The following BCO1 variants were observed in gnomAD, a reference collection of about 807,000 sequenced individuals.
The protein encoded by BCO1 is beta-carotene oxygenase 1, also known as beta,beta-carotene 15,15'-dioxygenase.
A neutral mutation model predicts 56.3 loss-of-function variants in BCO1; 54 were observed. That is an observed-to-expected ratio of 0.96 (90% CI 0.77 to 1.20). BCO1 has a LOEUF of 1.20. Among genes scored for constraint, BCO1 ranks in the 50% most tolerant of loss-of-function variants. BCO1 has a pLI of 0.00. For missense variants in BCO1, 801 were observed against 690.9 expected, an observed-to-expected ratio of 1.16 and a Z score of -1.79; for synonymous variants, 318 against 266.1, an observed-to-expected ratio of 1.20 and a Z score of -1.90.
At position 81,264,795 on chromosome 16, in the gene BCO1, A is replaced by G. The variant is rs371921845; in HGVS notation, c.619+8A>G. 8 of 1,613,934 alleles carry G rather than the reference A, an allele frequency of 5.0e-6. No individual in the cohort carries two copies. The highest frequency in any genetic ancestry group is 5.1e-6 in the Non-Finnish European group (6 of 1,179,970). ...TCCCTGCCACAGTACCAGGTAGGCC[A>G]CTCTGGGGAATTGAATAAAACACAA... On this transcript the variant is annotated splice_region_variant and intron_variant, in intron 5 of 10. Transcript: ENST00000258168.
chr16:81,270,187 C>T lies in BCO1; in HGVS notation c.872C>T (p.Thr291Ile). The T allele has an allele frequency of 4.3e-6, 7 of 1,614,124 alleles. No individual in the cohort carries two copies. Among genetic ancestry groups the T allele is most frequent in the Non-Finnish European group, 5.1e-6 (6 of 1,180,028 alleles). The change falls in exon 7 of 11, where the codon ACC becomes ATC. Residue 291 changes from threonine to isoleucine, a missense_variant. Physicochemically the swap from Thr to Ile is moderately conservative, Grantham distance 89. Coordinates refer to ENST00000258168, the MANE Select transcript of BCO1 (RefSeq NM_017429.3). ...TATATCCACATCATCGACCAAAGGA[C>T]CAGGCAGCCTGTGCAGACCAAGTTT... Reference protein sequence around the residue: ...KTYIHIIDQRTRQPVQTKFYT... With the variant: ...KTYIHIIDQRIRQPVQTKFYT...
Position 81,259,767 on chromosome 16 carries a change from A to G in BCO1, c.285A>G (p.Thr95=). Residue 95 remains threonine, a synonymous_variant, in exon 3 of 11, where the codon ACA becomes ACG. Transcript: ENST00000258168. ...ANRIVVSEFG[T]MAYPDPCKNI... ...GGATTGTGGTGTCTGAGTTTGGAAC[A>G]ATGGCCTATCCGGACCCCTGCAAAA... is the stretch of plus-strand genomic sequence containing the variant. The G allele has an allele frequency of 6.2e-7, 1 of 1,614,244 alleles. No individual in the cohort carries two copies. Among genetic ancestry groups the G allele is most frequent in the Non-Finnish European group, 8.5e-7 (1 of 1,180,044 alleles).
intron 1 of BCO1, among the ~76,000 whole-genome samples, chr16:81,244,717 C>CTTT (rs55904406): frequency 0.035 from 4,474 of 129,118 alleles, 102 homozygotes; most frequent in African/African-American, 0.066. Context: ...TTGCCCCTAT[C>CTTT]TTTTTTTTTT....
chr16:81,256,707 G>A (rs552807213), intron 2 of BCO1, among the ~76,000 whole-genome samples: 5 of 152,066 alleles, frequency 3.3e-5, no homozygotes, highest in African/African-American at 7.2e-5. Context: ...GGCCAACAGA[G>A]TAAAACCTCG....
intron 7 of BCO1, among the ~76,000 whole-genome samples, chr16:81,270,852 C>G (rs1217129317): frequency 6.6e-6 from 1 of 152,002 alleles, no homozygotes; most frequent in Non-Finnish European, 1.5e-5. Context: ...TCACGCCATT[C>G]TCCTGCCTCA....
intron 10 of BCO1, 53 bp from the exon 11 acceptor site, chr16:81,290,295 C>G: frequency 6.9e-7 from 1 of 1,445,436 alleles, no homozygotes. Context: ...AAATTCATCC[C>G]TCCGACTGAA....
At chr16:81,281,325 G>A (rs1412915747) in intron 8 of BCO1, among the ~76,000 whole-genome samples, 2 of 152,000 alleles carry the variant, frequency 1.3e-5, no homozygotes, top group African/African-American at 4.8e-5. Flanking sequence ...GCATGCCTGT[G>A]GTCCCAGCTA....
intron 7 of BCO1, 53 bp from the exon 8 acceptor site, chr16:81,280,804 T>G: frequency 7.6e-7 from 1 of 1,313,560 alleles, no homozygotes; most frequent in Non-Finnish European, 1.1e-6. Flanking sequence ...AAGCAAATGT[T>G]TGCTCTGGAT....
chr16:81,244,115 G>T (rs550329814), intron 1 of BCO1, among the ~76,000 whole-genome samples: 3 of 152,198 alleles, frequency 2.0e-5, no homozygotes, highest in African/African-American at 7.2e-5. Flanking sequence ...TGCCCCACCC[G>T]CAGTCAGAAC....
At chr16:81,239,001 T>G (rs1447990697) in intron 1 of BCO1, 29 bp downstream of exon 1, 1 of 1,590,942 alleles carries the variant, frequency 6.3e-7, no homozygotes, top group South Asian at 1.1e-5. Context: ...ACTGGGCTCT[T>G]TCTTCTATTT....
rs145049631 is a variant in BCO1 at position 81,267,979 on chromosome 16, C to T, written c.691C>T (p.Leu231Phe). ...CTGCTCCATCCCATCCCGCTCCCTG[C>T]TCTCCCCAAGCTACTACCACAGCTT... ...VFCSIPSRSL[L>F]SPSYYHSFGV... The change falls in exon 6 of 11, where the codon CTC becomes TTC. Residue 231 changes from leucine (L) to phenylalanine (F), a missense_variant. Transcript: ENST00000258168. 8.1e-6 allele frequency: 13 copies of T among 1,613,902 alleles called. No individual in the cohort carries two copies.
chr16:81,259,426 G>A lies in BCO1; in HGVS notation c.194-250G>A, dbSNP rs774470199. On this transcript the variant is annotated intron_variant, in intron 2 of 10. Coordinates refer to ENST00000258168, the MANE Select transcript of BCO1 (RefSeq NM_017429.3). The stretch of plus-strand genomic sequence containing the variant: ...GGAGAATCACTTGAACCCAGGAGGC[G>A]GAGGTTGCAGTGAGCCGAGATCGCA... Among the ~76,000 whole-genome samples the A allele has an allele frequency of 6.6e-5, 10 of 152,130 alleles. 1 individual carries two copies. The Middle Eastern group carries it at 0.01, about 155-fold the overall frequency.
At chr16:81,263,017 G>A (rs769265093) in intron 4 of BCO1, 2 of 152,380 alleles carry the variant, frequency 1.3e-5, no homozygotes, top group African/African-American at 4.8e-5. Flanking sequence ...GCAACCCCTG[G>A]TGTTCCTCAG....
At position 81,290,747 on chromosome 16, in the gene BCO1, T is replaced by TTTGGCTGTA; in HGVS notation, c.*171_*179dup. 1.6e-6 allele frequency: 1 copy of TTTGGCTGTA among 606,886 alleles called. No individual in the cohort carries two copies. The highest frequency in any genetic ancestry group is 2.9e-6 in the Non-Finnish European group (1 of 349,624). 37.6% of individuals were successfully genotyped at this position (606,886 alleles called of 1,614,324 possible). A position where few individuals can be genotyped will look rare whatever the true frequency, so the allele number is the denominator to read the frequency against. ...GTCAGTATCATTTCTTTCATTTTAT[T>TTTGGCTGTA]TTGGCTGTAAAAATTTTGTTTGAAA... On this transcript the variant is annotated 3_prime_UTR_variant, in exon 11 of 11. Transcript: ENST00000258168.
intron 8 of BCO1, among the ~76,000 whole-genome samples, chr16:81,283,771 G>C (rs958001594): frequency 2.6e-5 from 4 of 151,648 alleles, no homozygotes; most frequent in Admixed American, 1.3e-4. Context: ...CTCTTTTCTT[G>C]GACATTATAT....
chr16:81,276,950 T>G (rs953144129), intron 7 of BCO1, among the ~76,000 whole-genome samples: 1 of 149,932 alleles, frequency 6.7e-6, no homozygotes, highest in African/African-American at 2.5e-5. Flanking sequence ...GCCTGTAACC[T>G]CAGCTACTCA....
chr16:81,285,441 A>G, intron 8 of BCO1, 99 bp from the exon 9 acceptor site: 3 of 893,048 alleles, frequency 3.4e-6, no homozygotes, highest in Admixed American at 3.6e-5. Context: ...CTTGGTGTGG[A>G]AACGGATTCT....
intron 5 of BCO1, among the ~76,000 whole-genome samples, chr16:81,265,138 A>G (rs1014824417): frequency 1.3e-5 from 2 of 151,800 alleles, no homozygotes; most frequent in Admixed American, 6.6e-5. Flanking sequence ...CCGTCCATCT[A>G]TCCACCATTC....
At position 81,276,638 on chromosome 16, in the gene BCO1, C is replaced by A. The variant is rs149987078; in HGVS notation, c.1102-4219C>A. Among the ~76,000 whole-genome samples, 444 of 152,318 alleles carry A rather than the reference C, an allele frequency of 2.9e-3. 4 individuals are homozygous for A. The highest frequency in any genetic ancestry group is 0.01 in the African/African-American group (428 of 41,560). ...CTCAATTCACAGTCATCCTTTCAGA[C>A]CAGCACAGTGCATTGCTGGAACATT... On this transcript the variant is annotated intron_variant, in intron 7 of 10. Coordinates refer to ENST00000258168, the MANE Select transcript of BCO1 (RefSeq NM_017429.3).
Sources: gnomAD v4.1 joint callset for allele counts (sites outside exome capture counted in the v4.1 genomes callset) on GRCh38, gnomAD v4.1.1 for gene constraint, MANE v1.5 for transcripts, NCBI Gene and HGNC (gene_info 2026-07-23, HGNC 2026-07-21) for gene names.